ST6GALNAC3: variants seen among roughly 807,000 people sequenced by gnomAD.
ST6GALNAC3 encodes alpha-N-acetylgalactosaminide alpha-2,6-sialyltransferase 3.
In ST6GALNAC3, 25 loss-of-function variants were observed where a neutral mutation model predicts 32.7. The ratio of observed to expected loss-of-function variants is 0.76; its 90% confidence interval spans 0.56 to 1.07. ST6GALNAC3 has a LOEUF of 1.07. ST6GALNAC3 is among the 50% of genes least tolerant of loss of function. The pLI, the probability that ST6GALNAC3 is intolerant of heterozygous loss-of-function variation, is 0.00. For synonymous variants in ST6GALNAC3, 129 were observed against 133.1 expected, an observed-to-expected ratio of 0.97 and a Z score of 0.21; for missense variants, 355 against 382.4, an observed-to-expected ratio of 0.93 and a Z score of 0.60.
chr1:76,114,572 A>T (rs1648325849), intron 1 of ST6GALNAC3, among the ~76,000 whole-genome samples: 1 of 152,208 alleles, frequency 6.6e-6, no homozygotes, highest in African/African-American at 2.4e-5. Context: ...TTAGGAAATT[A>T]TATTTGTGCA....
At chr1:76,150,714 T>G (rs529979526) in intron 1 of ST6GALNAC3, among the ~76,000 whole-genome samples, 9 of 152,308 alleles carry the variant, frequency 5.9e-5, no homozygotes, top group African/African-American at 1.9e-4. Context: ...CACTCCCTGC[T>G]TCGTTCCCAC....
At chr1:76,089,141 G>T (rs1280491480) in intron 1 of ST6GALNAC3, among the ~76,000 whole-genome samples, 2 of 152,144 alleles carry the variant, frequency 1.3e-5, no homozygotes, top group Non-Finnish European at 2.9e-5. Context: ...CCATTCTCCT[G>T]CCTCAGCTTC....
rs1212428092 is a variant in ST6GALNAC3 at position 76,259,121 on chromosome 1, G to T, written c.19-54684G>T. 2.0e-5 allele frequency among the ~76,000 whole-genome samples: 3 copies of T among 152,078 alleles called. No individual in the cohort carries two copies. The East Asian group carries it at 5.8e-4, about 29-fold the overall frequency. On this transcript the variant is annotated intron_variant, in intron 1 of 4. Transcript: ENST00000328299. ...ATGTTCTGAAAGAATACAGAATCAT[G>T]ACAGCTGAAATGGTCATGGTTTCTT...
At chr1:76,397,386 T>TC (rs1653050200) in intron 2 of ST6GALNAC3, among the ~76,000 whole-genome samples, 2 of 150,922 alleles carry the variant, frequency 1.3e-5, no homozygotes, top group African/African-American at 4.9e-5. Context: ...TTTTTTTTTT[T>TC]CTGAGATGGA....
rs528234553 is a variant in ST6GALNAC3 at position 76,082,298 on chromosome 1, G to A, written c.18+7414G>A. Among the ~76,000 whole-genome samples, 7 of 152,328 alleles carry A rather than the reference G, an allele frequency of 4.6e-5. No individual in the cohort carries two copies. The South Asian group carries it at 1.4e-3, about 32-fold the overall frequency. ...CTGGATCCCATTACCAAAAGCTGCAGTTAGCTCCTGGTTATTAAAAGGCTC... is the reference window on the plus strand; with the variant it reads ...CTGGATCCCATTACCAAAAGCTGCAATTAGCTCCTGGTTATTAAAAGGCTC... On this transcript the variant is annotated intron_variant, in intron 1 of 4. Coordinates refer to ENST00000328299, the MANE Select transcript of ST6GALNAC3 (RefSeq NM_152996.4).
At chr1:76,557,832 C>A (rs1380618416) in intron 3 of ST6GALNAC3, among the ~76,000 whole-genome samples, 1 of 152,030 alleles carries the variant, frequency 6.6e-6, no homozygotes, top group Non-Finnish European at 1.5e-5. Context: ...TATATTTCTT[C>A]CATTTGTAGA....
At chr1:76,555,726 C>G (rs1398158594) in intron 3 of ST6GALNAC3, among the ~76,000 whole-genome samples, 1 of 152,006 alleles carries the variant, frequency 6.6e-6, no homozygotes, top group Non-Finnish European at 1.5e-5. Context: ...ATAAATTTTT[C>G]TAAAGTAGCT....
In ST6GALNAC3 at chr1:76,440,881, A is replaced by G. The variant is rs559744347; in HGVS notation, c.623+28464A>G. On this transcript the variant is annotated intron_variant, in intron 3 of 4. Transcript: ENST00000328299. ...GGTGTGTGGATCACCTGAGGTCAGG[A>G]GTTCGAGACCAGCCTGGCCAACATG... 4.5e-3 allele frequency among the ~76,000 whole-genome samples: 678 copies of G among 152,150 alleles called. 2 individuals carry two copies. The highest frequency in any genetic ancestry group is 6.3e-3 in the Non-Finnish European group (427 of 67,982).
intron 3 of ST6GALNAC3, among the ~76,000 whole-genome samples, chr1:76,612,779 A>G (rs1648020867): frequency 6.6e-6 from 1 of 152,188 alleles, no homozygotes; most frequent in Non-Finnish European, 1.5e-5. Context: ...GCCTGAGGTG[A>G]ATGGCAGCTG....
At chr1:76,422,065 T>G (rs1655063923) in intron 3 of ST6GALNAC3, among the ~76,000 whole-genome samples, 1 of 152,018 alleles carries the variant, frequency 6.6e-6, no homozygotes, top group African/African-American at 2.4e-5. Flanking sequence ...TTTATTTTAA[T>G]TTTTAGTGTT....
chr1:76,289,764 A>G (rs1464933243), intron 1 of ST6GALNAC3, among the ~76,000 whole-genome samples: 1 of 152,230 alleles, frequency 6.6e-6, no homozygotes, highest in East Asian at 1.9e-4. Context: ...CTTTTTACCT[A>G]GGGCCTGATG....
At chr1:76,625,395 AT>A (rs1171573836) in intron 3 of ST6GALNAC3, among the ~76,000 whole-genome samples, 1 of 151,866 alleles carries the variant, frequency 6.6e-6, no homozygotes, top group Non-Finnish European at 1.5e-5. Flanking sequence ...ACTTTTAGTG[AT>A]CTCTATGAGT....
At chr1:76,502,127 A>C (rs1024588386) in intron 3 of ST6GALNAC3, among the ~76,000 whole-genome samples, 1 of 152,164 alleles carries the variant, frequency 6.6e-6, no homozygotes, top group African/African-American at 2.4e-5. Context: ...TTTATATCTC[A>C]TGGGCCATAG....
intron 1 of ST6GALNAC3, among the ~76,000 whole-genome samples, chr1:76,139,365 CAT>C (rs1330020175): frequency 6.6e-6 from 1 of 151,972 alleles, no homozygotes; most frequent in Non-Finnish European, 1.5e-5. Flanking sequence ...TACATATAAA[CAT>C]ATACACATAT....
intron 1 of ST6GALNAC3, among the ~76,000 whole-genome samples, chr1:76,263,778 A>C (rs1658376579): frequency 1.3e-5 from 2 of 152,136 alleles, no homozygotes; most frequent in South Asian, 4.1e-4. Flanking sequence ...ATTTGTTAGA[A>C]TCACTTATTA....
intron 3 of ST6GALNAC3, among the ~76,000 whole-genome samples, chr1:76,510,264 C>G (rs540035389): frequency 6.6e-6 from 1 of 152,070 alleles, no homozygotes; most frequent in African/African-American, 2.4e-5. Flanking sequence ...TGGGTCTTCA[C>G]CATTTGGAGG....
intron 3 of ST6GALNAC3, among the ~76,000 whole-genome samples, chr1:76,541,457 A>C (rs933743594): frequency 4.6e-5 from 7 of 152,212 alleles, no homozygotes; most frequent in Admixed American, 3.9e-4. Context: ...TGATCTCCAC[A>C]CCGCATCTTC....
At chr1:76,583,229 A>G (rs1370211346) in intron 3 of ST6GALNAC3, among the ~76,000 whole-genome samples, 1 of 151,952 alleles carries the variant, frequency 6.6e-6, no homozygotes, top group African/African-American at 2.4e-5. Flanking sequence ...TTTGTTATGT[A>G]CCCCTCAGGA....
intron 1 of ST6GALNAC3, among the ~76,000 whole-genome samples, chr1:76,268,194 G>A (rs901031611): frequency 3.3e-5 from 5 of 152,158 alleles, no homozygotes; most frequent in Admixed American, 1.3e-4. Context: ...CTAATAAACC[G>A]AGAAGTGGTA....
Sources: gnomAD v4.1 joint callset for allele counts (sites outside exome capture counted in the v4.1 genomes callset) on GRCh38, gnomAD v4.1.1 for gene constraint, MANE v1.5 for transcripts, NCBI Gene and HGNC (gene_info 2026-07-23, HGNC 2026-07-21) for gene names.